PUM1: variants seen among roughly 807,000 people sequenced by gnomAD.
PUM1 encodes the protein pumilio RNA binding family member 1.
PUM1 carries 13 observed loss-of-function variants against 131.8 expected under a neutral mutation model. That is an observed-to-expected ratio of 0.10 (90% CI 0.06 to 0.16). The LOEUF (loss-of-function observed/expected upper bound fraction) is 0.16. Ranked by LOEUF, PUM1 falls within the 10% of genes least tolerant of loss-of-function variation. The probability of loss-of-function intolerance (pLI) is 1.00; values close to 1 mark genes in which losing one functional copy is unlikely to be tolerated. For missense variants in PUM1, 961 were observed against 1,512.4 expected (o/e 0.64, Z 6.05); for synonymous variants, 509 against 556.5 (o/e 0.91, Z 1.20).
At chr1:31,042,810 G>C (rs1261076180) in intron 2 of PUM1, among the ~76,000 whole-genome samples, 1 of 152,182 alleles carries the variant, frequency 6.6e-6, no homozygotes, top group African/African-American at 2.4e-5. Context: ...TGTTGCCCAG[G>C]CTGGAGTGCA....
At chr1:30,987,828 T>C (rs923199276) in intron 7 of PUM1, among the ~76,000 whole-genome samples, 18 of 152,206 alleles carry the variant, frequency 1.2e-4, no homozygotes, top group African/African-American at 4.1e-4. Flanking sequence ...CAATTATGAT[T>C]GTAGACAACA....
intron 7 of PUM1, chr1:30,982,013 T>C (rs1180196983): frequency 2.6e-5 from 4 of 152,218 alleles, no homozygotes; most frequent in African/African-American, 9.6e-5. Context: ...CCTCAACTAG[T>C]AGCTTATCCT....
chr1:30,954,485 C>G (rs1377258492), intron 14 of PUM1, among the ~76,000 whole-genome samples: 2 of 152,142 alleles, frequency 1.3e-5, no homozygotes, highest in Non-Finnish European at 2.9e-5. Context: ...AAAAAGCTGT[C>G]TTTGAAGGAA....
chr1:31,021,080 C>T (rs927324313), intron 3 of PUM1, among the ~76,000 whole-genome samples: 3 of 152,158 alleles, frequency 2.0e-5, no homozygotes, highest in Admixed American at 6.5e-5. Context: ...AAAGTACCAT[C>T]GATCTGTAAC....
At chr1:31,037,891 C>G (rs566639984) in intron 2 of PUM1, among the ~76,000 whole-genome samples, 2 of 151,642 alleles carry the variant, frequency 1.3e-5, no homozygotes, top group African/African-American at 4.8e-5. Flanking sequence ...TCCTGGCTAA[C>G]ACGGTGAAAC....
At chr1:31,004,098 C>CA (rs1428233494) in intron 5 of PUM1, among the ~76,000 whole-genome samples, 1 of 152,206 alleles carries the variant, frequency 6.6e-6, no homozygotes, top group Admixed American at 6.5e-5. Context: ...CCTCCTCTGT[C>CA]ACGATTCTTT....
chr1:31,040,292 A>C (rs1643775278), intron 2 of PUM1, among the ~76,000 whole-genome samples: 1 of 152,218 alleles, frequency 6.6e-6, no homozygotes, highest in Non-Finnish European at 1.5e-5. Flanking sequence ...ACTCCAATAC[A>C]GGAAGATAAA....
At chr1:30,981,742 TCATA>T (rs1299448908) in intron 7 of PUM1, among the ~76,000 whole-genome samples, 3 of 152,020 alleles carry the variant, frequency 2.0e-5, no homozygotes, top group Non-Finnish European at 4.4e-5. Flanking sequence ...TCTATATATC[TCATA>T]TATATGCATT....
At chr1:30,999,631 A>C (rs1310747722) in intron 5 of PUM1, among the ~76,000 whole-genome samples, 50 of 142,830 alleles carry the variant, frequency 3.5e-4, no homozygotes, top group African/African-American at 1.2e-3. Flanking sequence ...AAAAAAAAAA[A>C]AAAAAAAAAA....
intron 2 of PUM1, among the ~76,000 whole-genome samples, chr1:31,057,765 T>TG (rs2123999236): frequency 6.7e-6 from 1 of 150,322 alleles, no homozygotes; most frequent in African/African-American, 2.4e-5. Flanking sequence ...GGTTCACTTT[T>TG]GGGGGGATCA....
At chr1:31,040,398 A>G (rs192885899) in intron 2 of PUM1, among the ~76,000 whole-genome samples, 1 of 152,226 alleles carries the variant, frequency 6.6e-6, no homozygotes, top group African/African-American at 2.4e-5. Flanking sequence ...TTTATCAGAG[A>G]TGAAGATACA....
intron 21 of PUM1, 97 bp from the exon 22 acceptor site, chr1:30,933,439 TAC>T (rs58664754): frequency 0.23 from 81,624 of 358,266 alleles, 4,401 homozygotes; most frequent in African/African-American, 0.27. Context: ...CACACACACA[TAC>T]ACACACACAC....
chr1:30,933,369 C>T lies in PUM1; in HGVS notation c.3436-27G>A, dbSNP rs1442111239. On this transcript the variant is annotated intron_variant, in intron 21 of 21. Transcript: ENST00000426105. ...TGGGGAGGAAAGACAGTCTGTGTTA[C>T]ATGGCCTGAGATGAGACTTGGGGGC... 1.7e-5 allele frequency: 27 copies of T among 1,589,908 alleles called. No individual in the cohort carries two copies. In the East Asian group the frequency reaches 6.2e-4, roughly 36 times the overall value.
intron 21 of PUM1, among the ~76,000 whole-genome samples, chr1:30,935,353 G>A (rs1557540836): frequency 3.4e-5 from 5 of 146,694 alleles, no homozygotes; most frequent in South Asian, 2.1e-4. Flanking sequence ...GTACCCACAC[G>A]TTATAGAAGA....
intron 10 of PUM1, among the ~76,000 whole-genome samples, chr1:30,970,834 T>C (rs113986459): frequency 2.9e-4 from 44 of 152,320 alleles, no homozygotes; most frequent in African/African-American, 9.6e-4. Flanking sequence ...AATGAAAGCA[T>C]TGCTTTCACA....
chr1:31,012,552 T>TAAAAAAAA (rs10666570), intron 3 of PUM1, among the ~76,000 whole-genome samples: 5 of 119,126 alleles, frequency 4.2e-5, no homozygotes, highest in East Asian at 4.7e-4. Flanking sequence ...TTATGAAAAG[T>TAAAAAAAA]AAAAAAAAAA....
At chr1:30,967,121 G>A (rs369030611) in intron 12 of PUM1, 46 bp downstream of exon 12, 22 of 1,601,588 alleles carry the variant, frequency 1.4e-5, no homozygotes, top group Non-Finnish European at 1.6e-5. Flanking sequence ...ACTATCAGTC[G>A]CCACTTTTAG....
intron 12 of PUM1, among the ~76,000 whole-genome samples, chr1:30,966,631 C>T (rs949631205): frequency 6.6e-6 from 1 of 152,186 alleles, no homozygotes; most frequent in Non-Finnish European, 1.5e-5. Context: ...ATGTAATGCA[C>T]ATACACATCC....
At chr1:31,006,945 A>C (rs1453717766) in intron 4 of PUM1, 49 bp downstream of exon 4, 1 of 1,412,158 alleles carries the variant, frequency 7.1e-7, no homozygotes, top group Non-Finnish European at 9.9e-7. Context: ...TGAGGAAAGG[A>C]GCTCTAAGAC....
Sources: allele counts gnomAD v4.1 joint callset (sites outside exome capture counted in the v4.1 genomes callset), GRCh38; gene constraint gnomAD v4.1.1; transcripts MANE v1.5; gene names NCBI Gene and HGNC (gene_info 2026-07-23, HGNC 2026-07-21).